Variants in ZNF480 observed in about 807,000 individuals in gnomAD.
ZNF480 encodes zinc finger protein 480.
Under a neutral mutation model 14.4 loss-of-function variants are expected in ZNF480, and 15 were observed. The ratio of observed to expected loss-of-function variants is 1.04; its 90% CI spans 0.70 to 1.60. ZNF480 has a LOEUF of 1.60. Among genes scored for constraint, ZNF480 ranks in the 40% most tolerant of loss-of-function variants. The probability of loss-of-function intolerance (pLI) is 0.00; values close to 1 mark genes in which losing one functional copy is unlikely to be tolerated. For missense variants in ZNF480, 593 were observed against 629.7 expected (o/e 0.94, Z 0.62); for synonymous variants, 218 against 215.5 (o/e 1.01, Z -0.10).
chr19:52,314,229 CT>C lies in ZNF480; in HGVS notation c.152del (p.Leu51TyrfsTer5). On this transcript the variant is annotated frameshift_variant, in exon 3 of 5. Transcript: ENST00000595962. LOFTEE classifies it high-confidence loss of function. ...AAATGCCTGGACCCTGCACAGAGGG[CT>C]TTATACAAGGATGTGATGTTGGAGA... ...EWKCLDPAQR[A>X]LYKDVMLENY... 6.3e-7 allele frequency: 1 copy of C among 1,582,816 alleles called. No individual in the cohort carries two copies. The highest frequency in any genetic ancestry group is 1.1e-5 in the South Asian group (1 of 90,806).
chr19:52,322,408 A>G lies in ZNF480; in HGVS notation c.1158A>G (p.Leu386=), dbSNP rs763885420. The G allele has an allele frequency of 1.2e-6, 2 of 1,613,858 alleles. No individual in the cohort carries two copies. The highest frequency in any genetic ancestry group is 1.1e-5 in the South Asian group (1 of 91,062). ...AGGTCTTTATTCAAAATTCGCACCT[A>G]GCACAACATTGGAGAATTCATACAG... ...CGKVFIQNSH[L]AQHWRIHTGE... The change falls in exon 5 of 5, where the codon CTA becomes CTG. Residue 386 remains leucine, a synonymous_variant. Coordinates refer to ENST00000595962, the MANE Select transcript of ZNF480 (RefSeq NM_144684.4).
intron 1 of ZNF480, among the ~76,000 whole-genome samples, chr19:52,298,332 G>A (rs927397516): frequency 2.0e-5 from 3 of 152,004 alleles, no homozygotes; most frequent in African/African-American, 7.3e-5. Flanking sequence ...AGGGGGAGTA[G>A]AGTCAGGGGA....
chr19:52,303,408 G>T (rs974943409), intron 2 of ZNF480, among the ~76,000 whole-genome samples: 1 of 152,212 alleles, frequency 6.6e-6, no homozygotes, highest in Non-Finnish European at 1.5e-5. Flanking sequence ...TGTTGTATTT[G>T]TGCCTTTGTA....
chr19:52,310,469 C>T (rs1165716283), intron 2 of ZNF480, among the ~76,000 whole-genome samples: 4 of 151,724 alleles, frequency 2.6e-5, no homozygotes, highest in Non-Finnish European at 5.9e-5. Flanking sequence ...CCTCCAACCC[C>T]AACTAATTTT....
intron 2 of ZNF480, among the ~76,000 whole-genome samples, chr19:52,308,004 A>G (rs1332253110): frequency 6.6e-6 from 1 of 152,222 alleles, no homozygotes; most frequent in Non-Finnish European, 1.5e-5. Context: ...CCAGCACCGC[A>G]GTCCTTCTAA....
At chr19:52,314,943 A>G (rs1462796014) in intron 3 of ZNF480, among the ~76,000 whole-genome samples, 4 of 152,116 alleles carry the variant, frequency 2.6e-5, no homozygotes, top group Non-Finnish European at 2.9e-5. Flanking sequence ...ATTGGGTGGT[A>G]CCAGGGCGGA....
intron 2 of ZNF480, among the ~76,000 whole-genome samples, chr19:52,311,052 G>A (rs1271909647): frequency 6.8e-6 from 1 of 147,232 alleles, no homozygotes; most frequent in South Asian, 2.1e-4. Context: ...GATATTTTCT[G>A]TGACTTATTT....
At chr19:52,298,870 C>T (rs1183270631) in intron 1 of ZNF480, among the ~76,000 whole-genome samples, 2 of 151,648 alleles carry the variant, frequency 1.3e-5, no homozygotes, top group African/African-American at 2.4e-5. Context: ...ATGAGAGATA[C>T]GTACAGAATG....
chr19:52,315,023 C>A (rs192764501), intron 3 of ZNF480, among the ~76,000 whole-genome samples: 1 of 152,064 alleles, frequency 6.6e-6, no homozygotes. Context: ...CTGGAGGGCA[C>A]GTGATCTTGG....
At chr19:52,303,645 A>G (rs542030013) in intron 2 of ZNF480, among the ~76,000 whole-genome samples, 1 of 152,236 alleles carries the variant, frequency 6.6e-6, no homozygotes, top group East Asian at 1.9e-4. Context: ...GATCTATTCT[A>G]TTTATTTGAG....
In ZNF480 at chr19:52,323,000, CATT is replaced by C; in HGVS notation, c.*144_*146del. The C allele has an allele frequency of 3.2e-6, 2 of 634,298 alleles. No homozygotes were observed. Among genetic ancestry groups the C allele is most frequent in the South Asian group, 7.2e-5 (2 of 27,722 alleles). The allele number at this position is 634,298 out of a possible 1,614,324, so 39.3% of individuals were successfully genotyped here. A position where few individuals can be genotyped will look rare whatever the true frequency, so the allele number is the denominator to read the frequency against. On this transcript the variant is annotated 3_prime_UTR_variant, in exon 5 of 5. Transcript: ENST00000595962. ...TCAAACACAAGTTTTTCTAATAACT[CATT>C]AGAGAATTTATACTGGAGAGACTTC...
At chr19:52,303,239 AAC>A (rs1270571043) in intron 2 of ZNF480, among the ~76,000 whole-genome samples, 1 of 152,196 alleles carries the variant, frequency 6.6e-6, no homozygotes, top group Non-Finnish European at 1.5e-5. Flanking sequence ...CATCTGTAAA[AAC>A]ATTTTCAGCA....
In ZNF480 at chr19:52,322,794, A is replaced by C; in HGVS notation, c.1544A>C (p.Glu515Ala). The change falls in exon 5 of 5, where the codon GAG becomes GCG. Residue 515 changes from glutamate (E) to alanine (A), a missense_variant. Glu to Ala is a moderately radical substitution (Grantham distance 107). Coordinates refer to ENST00000595962, the MANE Select transcript of ZNF480 (RefSeq NM_144684.4). ...HTGEKPYKCN[E>A]CGKAFSRISY... is the part of the protein sequence containing the mutation. ...GGAGAGAAACCTTACAAATGTAATGAGTGTGGCAAGGCCTTTAGTCGCATT... is the reference window on the plus strand; with the variant it reads ...GGAGAGAAACCTTACAAATGTAATGCGTGTGGCAAGGCCTTTAGTCGCATT... The C allele has an allele frequency of 6.2e-7, 1 of 1,612,150 alleles. No homozygotes were observed. Among genetic ancestry groups the C allele is most frequent in the South Asian group, 1.1e-5 (1 of 90,956 alleles).
chr19:52,298,826 A>G (rs958724975), intron 1 of ZNF480, among the ~76,000 whole-genome samples: 1 of 151,930 alleles, frequency 6.6e-6, no homozygotes, highest in African/African-American at 2.4e-5. Context: ...GGGGAAAAAT[A>G]AAGGGGGAAA....
chr19:52,322,712 T>C lies in ZNF480; in HGVS notation c.1462T>C (p.Cys488Arg), dbSNP rs905823156. ...TGERPYKCNE[C>R]GKVFNRIAHL... Reference sequence around the variant, plus strand: ...AGAAAGACCTTACAAATGTAATGAATGTGGCAAGGTCTTCAATCGAATTGC... The same window carrying C: ...AGAAAGACCTTACAAATGTAATGAACGTGGCAAGGTCTTCAATCGAATTGC... The change falls in exon 5 of 5, where the codon TGT (cysteine) becomes CGT (arginine). Residue 488 changes from cysteine (C) to arginine (R), a missense_variant. Physicochemically the swap from Cys to Arg is radical, Grantham distance 180. Coordinates refer to ENST00000595962, the MANE Select transcript of ZNF480 (RefSeq NM_144684.4). The C allele has an allele frequency of 6.2e-7, 1 of 1,613,722 alleles. No homozygotes were observed. The highest frequency in any genetic ancestry group is 8.5e-7 in the Non-Finnish European group (1 of 1,179,812).
At chr19:52,308,307 CTTTTT>C (rs146136889) in intron 2 of ZNF480, among the ~76,000 whole-genome samples, 1 of 128,190 alleles carries the variant, frequency 7.8e-6, no homozygotes, top group Admixed American at 8.4e-5. Context: ...TTTTTTTCTT[CTTTTT>C]TTTTTTTTTT....
In ZNF480 at chr19:52,321,586, C is replaced by T. The variant is rs755578573; in HGVS notation, c.336C>T (p.Ser112=). 6.3e-7 allele frequency: 1 copy of T among 1,587,626 alleles called. No homozygotes were observed. The highest frequency in any genetic ancestry group is 1.8e-5 in the Admixed American group (1 of 56,300). ...ECIKGVNTGS[S]YALGSNAEDK... is the part of the protein sequence containing the mutation. ...TTTTTCTTGCTTTCCTAGGGAGCAG[C>T]TATGCATTGGGAAGCAATGCAGAAG... The change falls in exon 5 of 5, where the codon AGC becomes AGT. Residue 112 remains serine, a synonymous_variant. Transcript: ENST00000595962.
In ZNF480 at chr19:52,321,574, C is replaced by T. The variant is rs1206798324; in HGVS notation, c.329-5C>T. On this transcript the variant is annotated splice_region_variant and splice_polypyrimidine_tract_variant and intron_variant, in intron 4 of 4. Coordinates refer to ENST00000595962, the MANE Select transcript of ZNF480 (RefSeq NM_144684.4). ...CTGAATTTTACTTTTTTCTTGCTTT[C>T]CTAGGGAGCAGCTATGCATTGGGAA... is the stretch of plus-strand genomic sequence containing the variant. 3 of 1,562,094 alleles carry T rather than the reference C, an allele frequency of 1.9e-6. No individual in the cohort carries two copies. Among genetic ancestry groups the T allele is most frequent in the South Asian group, 1.2e-5 (1 of 83,020 alleles).
Position 52,321,869 on chromosome 19 carries a change from G to A in ZNF480, c.619G>A (p.Glu207Lys), listed in dbSNP as rs1158972164. 13 of 1,613,982 alleles carry A rather than the reference G, an allele frequency of 8.1e-6. No homozygotes were observed. The highest frequency in any genetic ancestry group is 9.3e-6 in the Non-Finnish European group (11 of 1,180,014). ...TAGAGAAAAACCTTATGAATGTAAT[G>A]AGCATAGCAAAGTCTTTAGAGTATC... is the stretch of plus-strand genomic sequence containing the variant. ...HLREKPYECN[E>K]HSKVFRVSSS... Residue 207 changes from glutamate to lysine, a missense_variant, in exon 5 of 5, where the codon GAG becomes AAG. Glu to Lys is a moderately conservative substitution (Grantham distance 56, BLOSUM62 1). Transcript: ENST00000595962.
Sources: allele counts gnomAD v4.1 joint callset (sites outside exome capture counted in the v4.1 genomes callset), GRCh38; gene constraint gnomAD v4.1.1; transcripts MANE v1.5; gene names NCBI Gene and HGNC (gene_info 2026-07-23, HGNC 2026-07-21).